SLC35F4: variants seen among roughly 807,000 people sequenced by gnomAD.
SLC35F4 encodes the protein chromosome 14 open reading frame 36.
SLC35F4 carries 24 observed loss-of-function variants against 44.2 expected under a neutral mutation model. The observed-to-expected ratio is 0.54, with a 90% CI of 0.39 to 0.76. The LOEUF (loss-of-function observed/expected upper bound fraction) is 0.76, where lower values mean the gene tolerates loss of function less well. Among genes scored for constraint, SLC35F4 ranks in the 30% least tolerant of loss-of-function variants. The probability of loss-of-function intolerance (pLI) is 0.00; values close to 1 mark genes in which losing one functional copy is unlikely to be tolerated. For synonymous variants in SLC35F4, 238 were observed against 223.6 expected (o/e 1.06, Z -0.57); for missense variants, 562 against 586.1 (o/e 0.96, Z 0.42).
At position 57,669,715 on chromosome 14, in the gene SLC35F4, C is replaced by T. The variant is rs531656253; in HGVS notation, c.104-75591G>A. Among the ~76,000 whole-genome samples the T allele has an allele frequency of 2.0e-3, 310 of 152,132 alleles. 4 individuals carry two copies. Among genetic ancestry groups the T allele is most frequent in the African/African-American group, 7.2e-3 (297 of 41,442 alleles). ...CATGGTGGATAAGCTTTTTGATGTG[C>T]TGCTGGATTCGGTTTGTCAGTATTT... On this transcript the variant is annotated intron_variant, in intron 1 of 7. Coordinates refer to ENST00000556826, the MANE Select transcript of SLC35F4 (RefSeq NM_001306087.2).
intron 1 of SLC35F4, among the ~76,000 whole-genome samples, chr14:57,945,027 T>C (rs776364308): frequency 3.9e-5 from 6 of 152,236 alleles, no homozygotes; most frequent in South Asian, 2.1e-4. Context: ...AAAATAATTA[T>C]GTAATCGTCC....
chr14:57,860,173 C>T (rs549554775), intron 1 of SLC35F4, among the ~76,000 whole-genome samples: 3 of 152,152 alleles, frequency 2.0e-5, no homozygotes, highest in South Asian at 2.1e-4. Flanking sequence ...GAGCCAGAAG[C>T]GGGTAGAGTT....
At chr14:57,976,365 A>C (rs1881218448), downstream of SLC35F4, among the ~76,000 whole-genome samples, 1 of 152,226 alleles carries the variant, frequency 6.6e-6, no homozygotes, top group Non-Finnish European at 1.5e-5. Context: ...TAAGTGTATA[A>C]TCACAATACA....
At chr14:57,567,572 C>T (rs996005431) in intron 6 of SLC35F4, among the ~76,000 whole-genome samples, 5 of 152,190 alleles carry the variant, frequency 3.3e-5, no homozygotes, top group Non-Finnish European at 7.3e-5. Flanking sequence ...GACTTGGGCT[C>T]CTTTATATTG....
At chr14:57,848,591 T>C (rs1886241252) in intron 1 of SLC35F4, among the ~76,000 whole-genome samples, 1 of 152,184 alleles carries the variant, frequency 6.6e-6, no homozygotes, top group African/African-American at 2.4e-5. Flanking sequence ...GGGAGATGAT[T>C]CTCCATGAGT....
intron 1 of SLC35F4, among the ~76,000 whole-genome samples, chr14:57,929,270 G>C (rs2141064589): frequency 6.6e-6 from 1 of 152,212 alleles, no homozygotes; most frequent in East Asian, 1.9e-4. Context: ...ATAAATGAAA[G>C]ATGAGTAAAC....
At chr14:57,663,292 G>T (rs1011568069) in intron 1 of SLC35F4, among the ~76,000 whole-genome samples, 1 of 152,240 alleles carries the variant, frequency 6.6e-6, no homozygotes, top group East Asian at 1.9e-4. Context: ...GTGGTCATTT[G>T]TTATTTGCTA....
chr14:57,674,252 T>C (rs1358550986), intron 1 of SLC35F4, among the ~76,000 whole-genome samples: 4 of 152,232 alleles, frequency 2.6e-5, no homozygotes, highest in South Asian at 2.1e-4. Context: ...AGACATCTCA[T>C]ACATATTGGT....
chr14:57,599,538 C>A (rs2070688517), intron 1 of SLC35F4, among the ~76,000 whole-genome samples: 1 of 152,034 alleles, frequency 6.6e-6, no homozygotes, highest in African/African-American at 2.4e-5. Flanking sequence ...GGCGAGGGGA[C>A]AGAGTGATTA....
chr14:57,918,524 C>T (rs1346017671), intron 1 of SLC35F4, among the ~76,000 whole-genome samples: 2 of 152,142 alleles, frequency 1.3e-5, no homozygotes, highest in Non-Finnish European at 2.9e-5. Context: ...TTCCAAGCTT[C>T]TTACATGTCA....
chr14:57,648,417 A>G (rs1314121940), intron 1 of SLC35F4, among the ~76,000 whole-genome samples: 1 of 152,214 alleles, frequency 6.6e-6, no homozygotes, highest in African/African-American at 2.4e-5. Context: ...AATTTCAAAT[A>G]AACATAAAAT....
intron 1 of SLC35F4, among the ~76,000 whole-genome samples, chr14:57,624,077 A>G (rs1357558877): frequency 1.3e-5 from 2 of 152,182 alleles, no homozygotes; most frequent in Non-Finnish European, 2.9e-5. Flanking sequence ...AAGAAAAGAG[A>G]GGACAATCAA....
chr14:57,787,377 G>A (rs1190764163), intron 1 of SLC35F4, among the ~76,000 whole-genome samples: 1 of 152,174 alleles, frequency 6.6e-6, no homozygotes, highest in Non-Finnish European at 1.5e-5. Flanking sequence ...AGCCTTGCTA[G>A]AGACCTAGTC....
chr14:57,675,512 T>A (rs1231956265), intron 1 of SLC35F4, among the ~76,000 whole-genome samples: 2 of 152,168 alleles, frequency 1.3e-5, no homozygotes, highest in East Asian at 3.9e-4. Flanking sequence ...TATTTCTTTC[T>A]CTCGTCTGAT....
chr14:57,908,671 T>G (rs1889156583), intron 1 of SLC35F4, among the ~76,000 whole-genome samples: 2 of 152,234 alleles, frequency 1.3e-5, no homozygotes, highest in South Asian at 4.1e-4. Context: ...TTCTTGTAAA[T>G]TCTGGATATT....
At chr14:57,763,358 T>A (rs1338790766) in intron 1 of SLC35F4, among the ~76,000 whole-genome samples, 4 of 152,164 alleles carry the variant, frequency 2.6e-5, no homozygotes, top group African/African-American at 9.7e-5. Flanking sequence ...AACTAAGACA[T>A]ACTAGAGAAT....
intron 1 of SLC35F4, among the ~76,000 whole-genome samples, chr14:57,657,176 G>C (rs1000433837): frequency 1.3e-5 from 2 of 152,226 alleles, no homozygotes; most frequent in African/African-American, 4.8e-5. Context: ...ACAGGAGCCA[G>C]CTTTCAAGTG....
intron 1 of SLC35F4, among the ~76,000 whole-genome samples, chr14:57,661,618 T>C (rs937233379): frequency 1.3e-5 from 2 of 152,188 alleles, no homozygotes; most frequent in Non-Finnish European, 2.9e-5. Context: ...TGAGTCATAA[T>C]ATCAAGCTTG....
intron 1 of SLC35F4, among the ~76,000 whole-genome samples, chr14:57,823,103 C>T (rs1041301540): frequency 6.6e-6 from 1 of 152,026 alleles, no homozygotes; most frequent in Non-Finnish European, 1.5e-5. Flanking sequence ...ACCCACAGTC[C>T]CCCACTGCAC....
Sources: gnomAD v4.1 joint callset for allele counts (sites outside exome capture counted in the v4.1 genomes callset) on GRCh38, gnomAD v4.1.1 for gene constraint, MANE v1.5 for transcripts, NCBI Gene and HGNC (gene_info 2026-07-23, HGNC 2026-07-21) for gene names.